TBL1X: variants seen among roughly 807,000 people sequenced by gnomAD.
TBL1X encodes transducin beta like 1 X-linked, also known as F-box-like/WD repeat-containing protein TBL1X.
A neutral mutation model predicts 50.7 loss-of-function variants in TBL1X; 10 were observed. The ratio of observed to expected loss-of-function variants is 0.20; its 90% CI spans 0.12 to 0.33. The LOEUF is 0.33. Among genes scored for constraint, TBL1X ranks in the 10% least tolerant of loss-of-function variants. TBL1X has a pLI of 1.00. For missense variants in TBL1X, 340 were observed against 504.4 expected, an observed-to-expected ratio of 0.67 and a Z score of 3.12; for synonymous variants, 190 against 214.7, an observed-to-expected ratio of 0.88 and a Z score of 1.01.
At chrX:9,621,504 A>G (rs749754925) in intron 2 of TBL1X, among the ~76,000 whole-genome samples, 29 of 111,508 alleles carry the variant, frequency 2.6e-4, no homozygotes, top group Non-Finnish European at 4.9e-4. Context: ...TAGACTAGGA[A>G]TTTTGCTTAA....
chrX:9,607,952 A>G (rs932056368), intron 2 of TBL1X, among the ~76,000 whole-genome samples: 1 of 103,227 alleles, frequency 9.7e-6, no homozygotes, highest in African/African-American at 3.6e-5. Context: ...GGTGCATATC[A>G]CCATGCCTGG....
chrX:9,618,550 G>A (rs753085431), intron 2 of TBL1X, among the ~76,000 whole-genome samples: 10 of 111,386 alleles, frequency 9.0e-5, no homozygotes, highest in South Asian at 3.8e-4. Context: ...ATGGTGGCGC[G>A]CCCCTGTAAT....
intron 1 of TBL1X, among the ~76,000 whole-genome samples, chrX:9,479,470 C>G (rs1309100744): frequency 3.6e-5 from 4 of 110,637 alleles, no homozygotes; most frequent in Non-Finnish European, 5.6e-5. Context: ...ATAAAATTGG[C>G]TTAAAGAAAA....
chrX:9,579,756 C>T lies in TBL1X; in HGVS notation c.-130-60517C>T, dbSNP rs757155472. ...GTGAATGCTATTTTACAACTTGTGA[C>T]CCCCTTGACACACTACCTTTTCATT... On this transcript the variant is annotated intron_variant, in intron 2 of 17. Coordinates refer to ENST00000645353, the MANE Select transcript of TBL1X (RefSeq NM_005647.4). 2.7e-5 allele frequency among the ~76,000 whole-genome samples: 3 copies of T among 110,852 alleles called. No individual in the cohort carries two copies. The East Asian group carries it at 8.5e-4, about 32-fold the overall frequency.
intron 2 of TBL1X, among the ~76,000 whole-genome samples, chrX:9,521,640 A>G (rs907212914): frequency 1.8e-5 from 2 of 112,305 alleles, no homozygotes; most frequent in Non-Finnish European, 3.8e-5. Context: ...ACCTGCTGAT[A>G]GGAAAAGTCA....
chrX:9,663,621 C>T (rs1167793937), intron 5 of TBL1X, among the ~76,000 whole-genome samples: 1 of 110,878 alleles, frequency 9.0e-6, no homozygotes, highest in East Asian at 2.8e-4. Flanking sequence ...ATTAGCCAGG[C>T]GTGGTGGCAC....
At chrX:9,474,137 T>C (rs2081834641) in intron 1 of TBL1X, among the ~76,000 whole-genome samples, 1 of 112,968 alleles carries the variant, frequency 8.9e-6, no homozygotes, top group Non-Finnish European at 1.9e-5. Flanking sequence ...ATTATGAAAA[T>C]GTCCATTAAG....
chrX:9,488,445 C>T (rs2081924709), intron 1 of TBL1X, among the ~76,000 whole-genome samples: 1 of 111,831 alleles, frequency 8.9e-6, no homozygotes. Flanking sequence ...GACTGTCCTT[C>T]CATAGGCATA....
At chrX:9,494,470 A>G (rs1011891475) in intron 1 of TBL1X, among the ~76,000 whole-genome samples, 1 of 112,016 alleles carries the variant, frequency 8.9e-6, no homozygotes, top group Non-Finnish European at 1.9e-5. Flanking sequence ...TTTGGAAGAT[A>G]TATAAGCTTG....
chrX:9,643,959 G>A (rs1406945868), intron 3 of TBL1X, among the ~76,000 whole-genome samples: 2 of 112,126 alleles, frequency 1.8e-5, no homozygotes, highest in East Asian at 5.6e-4. Context: ...TGTAGGGTAC[G>A]CTTCAGAGTT....
chrX:9,672,353 C>T (rs544916954), intron 5 of TBL1X, among the ~76,000 whole-genome samples: 1 of 111,961 alleles, frequency 8.9e-6, no homozygotes, highest in African/African-American at 3.2e-5. Context: ...CTTAAAAGTG[C>T]CCAGCATTGA....
At chrX:9,583,011 A>AT (rs888034253) in intron 2 of TBL1X, among the ~76,000 whole-genome samples, 1 of 112,499 alleles carries the variant, frequency 8.9e-6, no homozygotes, top group Admixed American at 9.4e-5. Context: ...ATATAGAAGG[A>AT]TTTTTTTATG....
intron 2 of TBL1X, among the ~76,000 whole-genome samples, chrX:9,517,946 TAAATA>T (rs1361522214): frequency 9.1e-6 from 1 of 109,487 alleles, no homozygotes; most frequent in Non-Finnish European, 1.9e-5. Context: ...TCTCTAAAAA[TAAATA>T]AAATAAAATA....
At chrX:9,585,328 AC>A (rs1262756915) in intron 2 of TBL1X, among the ~76,000 whole-genome samples, 5 of 54,649 alleles carry the variant, frequency 9.1e-5, no homozygotes, top group African/African-American at 3.1e-4. Flanking sequence ...GCTCCATGCC[AC>A]CCCCCTCCCC....
intron 5 of TBL1X, among the ~76,000 whole-genome samples, chrX:9,664,001 G>C (rs756975282): frequency 9.0e-6 from 1 of 111,350 alleles, no homozygotes; most frequent in South Asian, 3.8e-4. Flanking sequence ...GGATCAAACT[G>C]CATAGATTAT....
At chrX:9,478,859 T>C (rs2146930416) in intron 1 of TBL1X, among the ~76,000 whole-genome samples, 1 of 112,805 alleles carries the variant, frequency 8.9e-6, no homozygotes, top group African/African-American at 3.2e-5. Flanking sequence ...CCTGCGTTCA[T>C]GGTTAATCCA....
chrX:9,602,433 G>A (rs1004051979), intron 2 of TBL1X, among the ~76,000 whole-genome samples: 7 of 109,928 alleles, frequency 6.4e-5, no homozygotes, highest in Admixed American at 2.0e-4. Flanking sequence ...TGACCATGCT[G>A]AGTAATTTTC....
chrX:9,526,156 GAGAGAGAGAGAAA>G (rs1337502176), intron 2 of TBL1X, among the ~76,000 whole-genome samples: 2 of 106,064 alleles, frequency 1.9e-5, no homozygotes, highest in Non-Finnish European at 3.9e-5. Context: ...CGGGGGAGGG[GAGAGAGAGAGAAA>G]AGAGAGAGAG....
At chrX:9,469,232 C>T (rs781160254) in intron 1 of TBL1X, among the ~76,000 whole-genome samples, 1 of 111,538 alleles carries the variant, frequency 9.0e-6, no homozygotes, top group African/African-American at 3.3e-5. Context: ...TGCAGTGGTG[C>T]GATCTCGGCT....
Sources: gnomAD v4.1 joint callset for allele counts (sites outside exome capture counted in the v4.1 genomes callset) on GRCh38, gnomAD v4.1.1 for gene constraint, MANE v1.5 for transcripts, NCBI Gene and HGNC (gene_info 2026-07-23, HGNC 2026-07-21) for gene names.